Variants in JAKMIP1 observed in about 807,000 individuals in gnomAD.
JAKMIP1 encodes janus kinase and microtubule interacting protein 1.
In JAKMIP1, 33 loss-of-function variants were observed where a neutral mutation model predicts 113.0. The ratio of observed to expected loss-of-function variants is 0.29; its 90% CI spans 0.22 to 0.39. The LOEUF is 0.39. JAKMIP1 is among the 10% of genes least tolerant of loss of function. The pLI, the probability that JAKMIP1 is intolerant of heterozygous loss-of-function variation, is 1.00. For synonymous variants in JAKMIP1, 480 were observed against 459.9 expected, an observed-to-expected ratio of 1.04 and a Z score of -0.56; for missense variants, 813 against 1,080.5, an observed-to-expected ratio of 0.75 and a Z score of 3.47.
At chr4:6,046,674 CCA>C (rs1715039792) in intron 16 of JAKMIP1, among the ~76,000 whole-genome samples, 2 of 152,170 alleles carry the variant, frequency 1.3e-5, no homozygotes, top group African/African-American at 4.8e-5. Flanking sequence ...TGGCCGGATC[CCA>C]GACAGGTTCC....
chr4:6,113,102 C>G, intron 1 of JAKMIP1, 105 bp from the exon 2 acceptor site: 1 of 517,922 alleles, frequency 1.9e-6, no homozygotes, highest in Non-Finnish European at 3.4e-6. Context: ...TGGAGCATGA[C>G]CTGCCACTCC....
chr4:6,198,966 C>T (rs766639798), intron 1 of JAKMIP1, among the ~76,000 whole-genome samples: 1 of 152,220 alleles, frequency 6.6e-6, no homozygotes, highest in African/African-American at 2.4e-5. Flanking sequence ...CTGAGGCTGC[C>T]CCTGCCCTCC....
At chr4:6,109,766 T>C (rs1337855808) in intron 2 of JAKMIP1, among the ~76,000 whole-genome samples, 1 of 152,164 alleles carries the variant, frequency 6.6e-6, no homozygotes, top group Admixed American at 6.5e-5. Flanking sequence ...ATGCCAGCAC[T>C]TTAAATGGGA....
chr4:6,105,547 G>A lies in JAKMIP1; in HGVS notation c.550C>T (p.Arg184Cys). Residue 184 changes from arginine to cysteine, a missense_variant, in exon 3 of 21, where the codon CGT (arginine) becomes TGT (cysteine). By Grantham distance (180) the Arg-to-Cys change is radical (BLOSUM62 -3). Around this residue, in one of 2 missense-constraint regions of JAKMIP1, gnomAD observed 540 missense variants for 653.9 expected, o/e 0.83. Coordinates refer to ENST00000409021, the MANE Select transcript of JAKMIP1 (RefSeq NM_001099433.2). ...QADKTKAADL[R>C]AAYQAHQDEV... ...TCTTGGTGCGCCTGGTAGGCGGCAC[G>A]CAGGTCGGCTGCCTTGGTCTTGTCA... The A allele has an allele frequency of 1.2e-6, 2 of 1,605,392 alleles. No homozygotes were observed. Among genetic ancestry groups the A allele is most frequent in the Non-Finnish European group, 1.7e-6 (2 of 1,176,326 alleles).
chr4:6,144,393 T>C (rs1720553681), intron 1 of JAKMIP1, among the ~76,000 whole-genome samples: 1 of 152,216 alleles, frequency 6.6e-6, no homozygotes, highest in African/African-American at 2.4e-5. Flanking sequence ...GTGAAGCCAG[T>C]ATTACCCTGA....
At chr4:6,152,789 A>ATATATATATAT (rs1721736207) in intron 1 of JAKMIP1, among the ~76,000 whole-genome samples, 1 of 135,292 alleles carries the variant, frequency 7.4e-6, no homozygotes, top group African/African-American at 2.9e-5. Context: ...TAAAAATACA[A>ATATATATATAT]ATATATATAT....
chr4:6,161,484 TC>T (rs1006682849), intron 1 of JAKMIP1, among the ~76,000 whole-genome samples: 3 of 148,910 alleles, frequency 2.0e-5, no homozygotes, highest in Non-Finnish European at 4.4e-5. Context: ...AACGGGGAGG[TC>T]CCCAAAGACT....
chr4:6,144,376 T>C lies in JAKMIP1; in HGVS notation c.-147-31379A>G, dbSNP rs936465418. ...AAAAGTGCAAAGAACACTTCTCAAC[T>C]CATTCTGTGAAGCCAGTATTACCCT... On this transcript the variant is annotated intron_variant, in intron 1 of 20. Transcript: ENST00000409021. 2.0e-5 allele frequency among the ~76,000 whole-genome samples: 3 copies of C among 152,322 alleles called. No homozygotes were observed. The South Asian group carries it at 6.2e-4, about 32-fold the overall frequency.
chr4:6,098,712 GAAAGAAAGAAAAAGAAAGAAAGAGAA>G (rs1712433676), intron 3 of JAKMIP1, among the ~76,000 whole-genome samples: 1 of 8,618 alleles, frequency 1.2e-4, no homozygotes, highest in African/African-American at 2.1e-4. Context: ...AAGAAAGAAA[GAAAGAAAGAAAAAGAAAGAAAGAGAA>G]GGAAGGAAGG....
Position 6,178,278 on chromosome 4 carries a change from C to G in JAKMIP1, c.-148+21975G>C, listed in dbSNP as rs369199720. ...AAGCAGCTTTTCCTTTGTTACCCTA[C>G]GATATGGTTTGGCTGTGTCCCCACC... On this transcript the variant is annotated intron_variant, in intron 1 of 20. Coordinates refer to ENST00000409021, the MANE Select transcript of JAKMIP1 (RefSeq NM_001099433.2). This position sits in a 1 kb window ranked among gnomAD's most constrained non-coding sequence, Gnocchi z 5.5. 1.3e-5 allele frequency among the ~76,000 whole-genome samples: 2 copies of G among 152,184 alleles called. No individual in the cohort carries two copies. Among genetic ancestry groups the G allele is most frequent in the African/African-American group, 2.4e-5 (1 of 41,438 alleles).
chr4:6,050,560 A>AC lies in JAKMIP1; in HGVS notation c.1908+17dup, dbSNP rs1560110508. On this transcript the variant is annotated intron_variant, in intron 14 of 20. Transcript: ENST00000409021. This position sits in a 1 kb window ranked among gnomAD's most constrained non-coding sequence, Gnocchi z 7.4. The stretch of plus-strand genomic sequence containing the variant: ...CCCTTGGCTGGCATTCAGCAGAGGC[A>AC]CCCCCCAGGCACGCTACCTTAACTC... 3 of 1,542,718 alleles carry AC rather than the reference A, an allele frequency of 1.9e-6. No individual in the cohort carries two copies. Among genetic ancestry groups the AC allele is most frequent in the Admixed American group, 2.0e-5 (1 of 51,210 alleles).
At chr4:6,191,913 T>TTTTATTTA (rs55740817) in intron 1 of JAKMIP1, among the ~76,000 whole-genome samples, 1,503 of 141,080 alleles carry the variant, frequency 0.011, 15 homozygotes, top group African/African-American at 0.014. Flanking sequence ...CAGGAGTGCA[T>TTTTATTTA]TTTATTTATT....
intron 1 of JAKMIP1, among the ~76,000 whole-genome samples, chr4:6,146,999 C>T (rs767073315): frequency 1.2e-4 from 19 of 152,132 alleles, no homozygotes; most frequent in Non-Finnish European, 1.8e-4. Flanking sequence ...GCTCTTGTTG[C>T]CCAGGCTGGA....
chr4:6,042,851 G>C lies in JAKMIP1; in HGVS notation c.2029-624C>G, dbSNP rs1714509010. Among the ~76,000 whole-genome samples, 1 of 152,046 alleles carries C rather than the reference G, an allele frequency of 6.6e-6. No homozygotes were observed. Among genetic ancestry groups the C allele is most frequent in the Non-Finnish European group, 1.5e-5 (1 of 68,016 alleles). On this transcript the variant is annotated intron_variant, in intron 16 of 20. Transcript: ENST00000409021. The surrounding 1 kb of genome is among the most constrained non-coding windows in gnomAD (Gnocchi z 5.2). ...AGGGGGTGTAGGAGCATGAAAGCAG[G>C]GTTCATGCCAGGACATGAGGGCGCA...
At chr4:6,173,824 C>T (rs1439480361) in intron 1 of JAKMIP1, among the ~76,000 whole-genome samples, 9 of 152,160 alleles carry the variant, frequency 5.9e-5, no homozygotes, top group African/African-American at 1.9e-4. Context: ...GCCTGTAATC[C>T]CAGCACTTCG....
intron 13 of JAKMIP1, among the ~76,000 whole-genome samples, chr4:6,052,650 T>TAAAAAAAA (rs762425260): frequency 1.9e-5 from 1 of 53,986 alleles, no homozygotes. Flanking sequence ...GACTCTGTCC[T>TAAAAAAAA]AAAAAAAAAA....
At position 6,155,905 on chromosome 4, in the gene JAKMIP1, T is replaced by A. The variant is rs4383686; in HGVS notation, c.-147-42908A>T. ...GGCCTGGCAATCTTAAGTTTGCACA[T>A]ACATTTTTCTGTGCGGTAATGTGTG... On this transcript the variant is annotated intron_variant, in intron 1 of 20. Coordinates refer to ENST00000409021, the MANE Select transcript of JAKMIP1 (RefSeq NM_001099433.2). The surrounding 1 kb of genome is among the most constrained non-coding windows in gnomAD (Gnocchi z 6.1). Among the ~76,000 whole-genome samples the A allele has an allele frequency of 0.082, 12,448 of 152,160 alleles. 1,216 individuals carry two copies. The highest frequency in any genetic ancestry group is 0.24 in the African/African-American group (9,765 of 41,454).
intron 1 of JAKMIP1, among the ~76,000 whole-genome samples, chr4:6,149,014 G>C (rs74689966): frequency 3.3e-5 from 5 of 152,116 alleles, no homozygotes; most frequent in African/African-American, 1.2e-4. Flanking sequence ...GGTTTGCAGG[G>C]GGGTGGCGGG....
At chr4:6,075,081 G>GA (rs549859528) in intron 8 of JAKMIP1, among the ~76,000 whole-genome samples, 2 of 151,868 alleles carry the variant, frequency 1.3e-5, no homozygotes, top group African/African-American at 2.4e-5. Context: ...TAATGAAAAG[G>GA]AAAAAAAAGT....
Sources: gnomAD v4.1 joint callset for allele counts (sites outside exome capture counted in the v4.1 genomes callset) on GRCh38, gnomAD v4.1.1 for gene constraint, gnomAD v4.1.1 regional missense constraint, Gnocchi (gnomAD v3.1) non-coding constraint, MANE v1.5 for transcripts, NCBI Gene and HGNC (gene_info 2026-07-23, HGNC 2026-07-21) for gene names.